The following EP400 variants were observed in gnomAD, a reference collection of about 807,000 sequenced individuals.
The protein encoded by EP400 is E1A-binding protein p400.
Under a neutral mutation model 354.1 loss-of-function variants are expected in EP400, and 105 were observed. That is an observed-to-expected ratio of 0.30 (90% CI 0.25 to 0.35). The LOEUF (loss-of-function observed/expected upper bound fraction) is 0.35. Among genes scored for constraint, EP400 ranks in the 10% least tolerant of loss-of-function variants. The pLI, the probability that EP400 is intolerant of heterozygous loss-of-function variation, is 1.00. For missense variants in EP400, 3,280 were observed against 4,121.0 expected (o/e 0.80, Z 5.59); for synonymous variants, 1,646 against 1,716.9 (o/e 0.96, Z 1.02).
chr12:131,985,015 GT>G (rs879649760), intron 5 of EP400, among the ~76,000 whole-genome samples: 2,301 of 144,268 alleles, frequency 0.016, 49 homozygotes, highest in African/African-American at 0.053. Flanking sequence ...TTAGGCAACT[GT>G]TTTTTTTTTT....
At position 132,017,946 on chromosome 12, in the gene EP400, A is replaced by G. The variant is rs1169831017; in HGVS notation, c.4110+225A>G. ...AGGGAGACAGGCTCACAGAGTGGAAAGATGCAGAGGGCAGGCTTTCTTGGC... is the reference window on the plus strand; with the variant it reads ...AGGGAGACAGGCTCACAGAGTGGAAGGATGCAGAGGGCAGGCTTTCTTGGC... On this transcript the variant is annotated intron_variant, in intron 20 of 52. Coordinates refer to ENST00000389561, the MANE Select transcript of EP400 (RefSeq NM_015409.5). The surrounding 1 kb of genome is among the most constrained non-coding windows in gnomAD (Gnocchi z 5.0). 1.6e-4 allele frequency among the ~76,000 whole-genome samples: 25 copies of G among 152,244 alleles called. No homozygotes were observed. Among genetic ancestry groups the G allele is most frequent in the Non-Finnish European group, 5.9e-5 (4 of 68,052 alleles).
In EP400 at chr12:131,960,682, T is replaced by C; in HGVS notation, c.63T>C (p.Pro21=). 1.3e-6 allele frequency: 2 copies of C among 1,583,008 alleles called. No homozygotes were observed. Among genetic ancestry groups the C allele is most frequent in the Middle Eastern group, 1.9e-4 (1 of 5,130 alleles). Residue 21 remains proline (P), a synonymous_variant, in exon 2 of 53, where the codon CCT becomes CCC. Transcript: ENST00000389561. ...QHQLQRSRAC[P]GSEGEEQPAH... ...AGCTGCAGAGGTCCAGGGCCTGCCC[T>C]GGCAGCGAGGGTGAGGAGCAGCCGG...
At chr12:132,066,401 T>C (rs1895892393) in intron 48 of EP400, 4 of 209,788 alleles carry the variant, frequency 1.9e-5, no homozygotes, top group Non-Finnish European at 3.8e-5. Context: ...AGGGACAGGC[T>C]GATGTCGAGT....
Position 132,021,168 on chromosome 12 carries a change from G to A in EP400, c.4537G>A (p.Ala1513Thr). 1.2e-6 allele frequency: 2 copies of A among 1,601,066 alleles called. No individual in the cohort carries two copies. Among genetic ancestry groups the A allele is most frequent in the Non-Finnish European group, 1.7e-6 (2 of 1,179,736 alleles). ...GGCCTCCAGCACAGCCGCTAGCCCG[G>A]CCCATCCTGCGAAACTGCGGGCCCA... Reference protein sequence around the residue: ...ASASSTAASPAHPAKLRAQTT... With the variant: ...ASASSTAASPTHPAKLRAQTT... Residue 1513 changes from alanine to threonine, a missense_variant, in exon 23 of 53, where the codon GCC becomes ACC. Around this residue, in one of 20 missense-constraint regions of EP400, gnomAD observed 342 missense variants for 342.7 expected, o/e 1.00. Coordinates refer to ENST00000389561, the MANE Select transcript of EP400 (RefSeq NM_015409.5).
At position 132,017,836 on chromosome 12, in the gene EP400, C is replaced by A; in HGVS notation, c.4110+115C>A. On this transcript the variant is annotated intron_variant, in intron 20 of 52. Coordinates refer to ENST00000389561, the MANE Select transcript of EP400 (RefSeq NM_015409.5). The surrounding 1 kb of genome is among the most constrained non-coding windows in gnomAD (Gnocchi z 5.0). ...ACCAGCTCTTCTGCAATTGCAATTG[C>A]AGCTCCGCGATACATGGCACCGTCT... The A allele has an allele frequency of 1.7e-6, 2 of 1,164,674 alleles. No individual in the cohort carries two copies. Among genetic ancestry groups the A allele is most frequent in the Non-Finnish European group, 2.4e-6 (2 of 848,050 alleles). 72.1% of individuals were successfully genotyped at this position (1,164,674 alleles called of 1,614,324 possible).
intron 34 of EP400, 79 bp from the exon 35 acceptor site, chr12:132,044,098 G>A: frequency 6.4e-7 from 1 of 1,571,922 alleles, no homozygotes; most frequent in Non-Finnish European, 8.7e-7. Context: ...GAGACAACAG[G>A]GAAACCTGGA....
At chr12:132,031,600 C>A (rs913725867) in intron 29 of EP400, among the ~76,000 whole-genome samples, 4 of 152,168 alleles carry the variant, frequency 2.6e-5, no homozygotes, top group Non-Finnish European at 4.4e-5. Flanking sequence ...GCTCTGTCGC[C>A]GAGGCTGGAG....
intron 2 of EP400, among the ~76,000 whole-genome samples, chr12:131,975,098 G>A (rs534058223): frequency 7.2e-5 from 11 of 151,984 alleles, no homozygotes; most frequent in South Asian, 4.2e-4. Flanking sequence ...TGAGTGTGCC[G>A]TGCCTGGAGG....
Position 132,045,527 on chromosome 12 carries a change from G to A in EP400, c.6993G>A (p.Glu2331=). ...CTGAGCCTGGTCAAGACAACCCCGA[G>A]TGGCTCATCAGTGAGGACTGGGCGC... ...PTAEPGQDNP[E]WLISEDWALL... Residue 2331 remains glutamate (E), a synonymous_variant, in exon 38 of 53, where the codon GAG becomes GAA. Transcript: ENST00000389561. The A allele has an allele frequency of 6.2e-7, 1 of 1,614,240 alleles. No individual in the cohort carries two copies. The highest frequency in any genetic ancestry group is 8.5e-7 in the Non-Finnish European group (1 of 1,180,044).
At chr12:131,968,105 T>C (rs1023315311) in intron 2 of EP400, among the ~76,000 whole-genome samples, 1 of 152,220 alleles carries the variant, frequency 6.6e-6, no homozygotes, top group Non-Finnish European at 1.5e-5. Flanking sequence ...TTAAATTTTG[T>C]GGAAGTACAA....
At chr12:131,997,623 G>T (rs1284784600) in intron 12 of EP400, among the ~76,000 whole-genome samples, 4 of 151,696 alleles carry the variant, frequency 2.6e-5, no homozygotes, top group East Asian at 3.9e-4. Context: ...CTGGAGAAAA[G>T]AAAATGTTGT....
chr12:132,039,469 T>A (rs975620815), intron 32 of EP400, among the ~76,000 whole-genome samples: 2 of 151,866 alleles, frequency 1.3e-5, no homozygotes, highest in African/African-American at 4.8e-5. Flanking sequence ...ACGAACAGGG[T>A]GAGACCCACT....
At chr12:131,980,970 C>T (rs1399935312) in intron 3 of EP400, among the ~76,000 whole-genome samples, 1 of 152,244 alleles carries the variant, frequency 6.6e-6, no homozygotes, top group Non-Finnish European at 1.5e-5. Flanking sequence ...CCAGTTTTCA[C>T]TGCCATCAAC....
intron 2 of EP400, among the ~76,000 whole-genome samples, chr12:131,977,801 T>G (rs141403568): frequency 3.3e-5 from 5 of 152,312 alleles, no homozygotes; most frequent in Admixed American, 3.3e-4. Context: ...GATTTTTCCT[T>G]TTAGTAACTC....
chr12:131,970,507 G>A (rs1032722303), intron 2 of EP400, among the ~76,000 whole-genome samples: 3 of 152,044 alleles, frequency 2.0e-5, no homozygotes, highest in Admixed American at 1.3e-4. Flanking sequence ...AATGTTCCTC[G>A]CAGCATTGTT....
At chr12:132,004,996 C>T (rs1227866610) in intron 12 of EP400, 81 bp from the exon 13 acceptor site, 3 of 1,100,300 alleles carry the variant, frequency 2.7e-6, no homozygotes, top group Admixed American at 4.0e-5. Context: ...TACCGTGGTT[C>T]TCCTGGCTGC....
In EP400 at chr12:131,982,203, A is replaced by G; in HGVS notation, c.1654A>G (p.Thr552Ala). The G allele has an allele frequency of 6.2e-7, 1 of 1,613,680 alleles. No individual in the cohort carries two copies. Among genetic ancestry groups the G allele is most frequent in the Non-Finnish European group, 8.5e-7 (1 of 1,179,870 alleles). The change falls in exon 5 of 53, where the codon ACC becomes GCC. Residue 552 changes from threonine (T) to alanine (A), a missense_variant. Thr to Ala is a moderately conservative substitution (Grantham distance 58). Coordinates refer to ENST00000389561, the MANE Select transcript of EP400 (RefSeq NM_015409.5). ...CGTGCAGAACGCTGCCAGCTTGCAC[A>G]CCCCACTGCCGCAGCTGCCCGGGAG... The part of the protein sequence containing the change: ...PPVQNAASLH[T>A]PLPQLPGRLP...
At chr12:132,073,093 A>T (rs1896111603) in intron 51 of EP400, among the ~76,000 whole-genome samples, 1 of 152,094 alleles carries the variant, frequency 6.6e-6, no homozygotes, top group Admixed American at 6.5e-5. Context: ...TCTTACCTGA[A>T]ACACGTGTCC....
intron 1 of EP400, among the ~76,000 whole-genome samples, chr12:131,950,816 C>T (rs565884159): frequency 6.6e-6 from 1 of 152,326 alleles, no homozygotes; most frequent in South Asian, 2.1e-4. Context: ...TGCAGTGGCG[C>T]GATGACGGCT....
Sources: allele counts gnomAD v4.1 joint callset (sites outside exome capture counted in the v4.1 genomes callset), GRCh38; gene constraint gnomAD v4.1.1; regional missense constraint gnomAD v4.1.1; non-coding constraint Gnocchi (gnomAD v3.1); transcripts MANE v1.5; gene names NCBI Gene and HGNC (gene_info 2026-07-23, HGNC 2026-07-21).